The following ATXN10 variants were observed in gnomAD, a reference collection of about 807,000 sequenced individuals.
The protein encoded by ATXN10 is ataxin-10.
In ATXN10, 28 loss-of-function variants were observed where a neutral mutation model predicts 52.9. That is an observed-to-expected ratio of 0.53 (90% CI 0.39 to 0.73). The LOEUF (loss-of-function observed/expected upper bound fraction) is 0.73. ATXN10 is among the 30% of genes least tolerant of loss of function. ATXN10 has a pLI of 0.00. For synonymous variants in ATXN10, 226 were observed against 221.5 expected (o/e 1.02, Z -0.18); for missense variants, 565 against 577.0 (o/e 0.98, Z 0.21).
At chr22:45,694,429 A>G (rs774288432) in intron 3 of ATXN10, among the ~76,000 whole-genome samples, 3 of 152,162 alleles carry the variant, frequency 2.0e-5, no homozygotes, top group Non-Finnish European at 4.4e-5. Context: ...AGGTGGACAG[A>G]TTGCTTGAGC....
intron 9 of ATXN10, among the ~76,000 whole-genome samples, chr22:45,743,432 T>A (rs1332967901): frequency 6.6e-6 from 1 of 152,220 alleles, no homozygotes; most frequent in Non-Finnish European, 1.5e-5. Context: ...TTGCTCATTG[T>A]TGCCTCAAGG....
chr22:45,689,925 A>T, intron 2 of ATXN10, 22 bp downstream of exon 2: 2 of 1,611,332 alleles, frequency 1.2e-6, no homozygotes, highest in Non-Finnish European at 1.7e-6. Context: ...CGTACCTTGG[A>T]TTCTGTTTCT....
rs136028 is a variant in ATXN10, at chr22:45,840,335, AAG to A, written c.1238-2646_1238-2645del. Among the ~76,000 whole-genome samples, 5 of 152,036 alleles carry A rather than the reference AAG, an allele frequency of 3.3e-5. No individual in the cohort carries two copies. The highest frequency in any genetic ancestry group is 7.3e-5 in the African/African-American group (3 of 41,314). On this transcript the variant is annotated intron_variant, in intron 10 of 11. Coordinates refer to ENST00000252934, the MANE Select transcript of ATXN10 (RefSeq NM_013236.4). The surrounding 1 kb of genome is among the most constrained non-coding windows in gnomAD (Gnocchi z 5.8). ...TGCAGTGTGATGAGAACTGTTAAAA[AAG>A]AGAGAGAGAATGCATTGGAAACAGA...
At chr22:45,698,206 T>C (rs1355365669) in intron 3 of ATXN10, among the ~76,000 whole-genome samples, 3 of 152,200 alleles carry the variant, frequency 2.0e-5, no homozygotes, top group Non-Finnish European at 4.4e-5. Context: ...GCTTACCATT[T>C]GAGGAGCTGT....
chr22:45,795,765 T>C lies in ATXN10; in HGVS notation c.1174-11194T>C, dbSNP rs1211454109. Among the ~76,000 whole-genome samples the C allele has an allele frequency of 6.6e-6, 1 of 152,316 alleles. No homozygotes were observed. Among genetic ancestry groups the C allele is most frequent in the Middle Eastern group, 3.4e-3 (1 of 294 alleles). ...GTCTCTGAACATAAATTGTGAAGATTTCATGGACATTTATCACTTCCCTAA... is the reference window on the plus strand; with the variant it reads ...GTCTCTGAACATAAATTGTGAAGATCTCATGGACATTTATCACTTCCCTAA... On this transcript the variant is annotated intron_variant, in intron 9 of 11. Coordinates refer to ENST00000252934, the MANE Select transcript of ATXN10 (RefSeq NM_013236.4). This position sits in a 1 kb window ranked among gnomAD's most constrained non-coding sequence, Gnocchi z 4.6.
chr22:45,799,087 G>T (rs1368943758), intron 9 of ATXN10, among the ~76,000 whole-genome samples: 6 of 149,496 alleles, frequency 4.0e-5, no homozygotes, highest in Admixed American at 1.3e-4. Flanking sequence ...TTTGTTTTTT[G>T]TTTTTCTTTT....
rs2146735408 is a variant in ATXN10 at position 45,688,073 on chromosome 22, A to G, written c.117-1639A>G. On this transcript the variant is annotated intron_variant, in intron 1 of 11. Coordinates refer to ENST00000252934, the MANE Select transcript of ATXN10 (RefSeq NM_013236.4). This position sits in a 1 kb window ranked among gnomAD's most constrained non-coding sequence, Gnocchi z 4.0. ...ACTCCGTCTCAAAAAAAAGAGTGTT[A>G]GTGAGTATTCTTCCATTCTTCTTAC... Among the ~76,000 whole-genome samples the G allele has an allele frequency of 6.6e-6, 1 of 152,276 alleles. No homozygotes were observed. The highest frequency in any genetic ancestry group is 2.4e-5 in the African/African-American group (1 of 41,564).
At chr22:45,806,814 T>G in intron 9 of ATXN10, 145 bp from the exon 10 acceptor site, 1 of 696,844 alleles carries the variant, frequency 1.4e-6, no homozygotes. Context: ...TTTTATGTAG[T>G]TCTGGGTTGA....
chr22:45,827,283 A>C (rs568897547), intron 10 of ATXN10, among the ~76,000 whole-genome samples: 79 of 152,332 alleles, frequency 5.2e-4, no homozygotes, highest in African/African-American at 1.9e-3. Context: ...TATGGGAAAC[A>C]AATAGCAAAA....
At chr22:45,700,438 T>C (rs1923797582) in intron 4 of ATXN10, 60 bp downstream of exon 4, 13 of 1,406,944 alleles carry the variant, frequency 9.2e-6, no homozygotes, top group Non-Finnish European at 1.0e-5. Flanking sequence ...TATTTTTCCA[T>C]TTTATATAAA....
chr22:45,827,832 C>G (rs1928865362), intron 10 of ATXN10, among the ~76,000 whole-genome samples: 1 of 152,152 alleles, frequency 6.6e-6, no homozygotes, highest in South Asian at 2.1e-4. Context: ...ACATTCTTCT[C>G]AAGTGCACAG....
chr22:45,696,963 A>C lies in ATXN10; in HGVS notation c.392-3319A>C, dbSNP rs1018949889. On this transcript the variant is annotated intron_variant, in intron 3 of 11. Coordinates refer to ENST00000252934, the MANE Select transcript of ATXN10 (RefSeq NM_013236.4). The surrounding 1 kb of genome is among the most constrained non-coding windows in gnomAD (Gnocchi z 4.7). ...GAGGGCAGATTCTTACAGACCTGTT[A>C]CATGTTAGCTGTATTAAATGTTGTT... 3.3e-5 allele frequency among the ~76,000 whole-genome samples: 5 copies of C among 152,186 alleles called. No homozygotes were observed. Among genetic ancestry groups the C allele is most frequent in the African/African-American group, 9.6e-5 (4 of 41,452 alleles).
intron 9 of ATXN10, among the ~76,000 whole-genome samples, chr22:45,802,901 C>T (rs1363716378): frequency 6.6e-6 from 1 of 152,074 alleles, no homozygotes; most frequent in Non-Finnish European, 1.5e-5. Flanking sequence ...TCAAAAAAAA[C>T]CTGGTTTTTG....
chr22:45,808,131 G>A (rs1300728713), intron 10 of ATXN10, among the ~76,000 whole-genome samples: 2 of 152,170 alleles, frequency 1.3e-5, no homozygotes, highest in African/African-American at 4.8e-5. Flanking sequence ...GCAGGGTAAA[G>A]CAAATTTGGT....
rs1925914359 is a variant in ATXN10, at chr22:45,750,718, T to C, written c.1173+10180T>C. 6.6e-6 allele frequency among the ~76,000 whole-genome samples: 1 copy of C among 152,008 alleles called. No individual in the cohort carries two copies. The highest frequency in any genetic ancestry group is 6.5e-5 in the Admixed American group (1 of 15,272). ...AAATAATCAAAACAATTTACAAAAG[T>C]TTATAGGTTAGTGGAGGCAGACATA... On this transcript the variant is annotated intron_variant, in intron 9 of 11. Coordinates refer to ENST00000252934, the MANE Select transcript of ATXN10 (RefSeq NM_013236.4). The surrounding 1 kb of genome is among the most constrained non-coding windows in gnomAD (Gnocchi z 4.2).
At chr22:45,807,338 AGT>A (rs1002334346) in intron 10 of ATXN10, among the ~76,000 whole-genome samples, 1 of 152,136 alleles carries the variant, frequency 6.6e-6, no homozygotes, top group African/African-American at 2.4e-5. Context: ...TCACCTTTCC[AGT>A]GTGTGTGTGG....
intron 3 of ATXN10, among the ~76,000 whole-genome samples, chr22:45,694,171 A>G (rs895460021): frequency 1.3e-5 from 2 of 152,150 alleles, no homozygotes; most frequent in Non-Finnish European, 1.5e-5. Context: ...GAGAAACACC[A>G]CACTTCTTTA....
chr22:45,678,363 A>G lies in ATXN10; in HGVS notation c.116+6184A>G, dbSNP rs1569019840. On this transcript the variant is annotated intron_variant, in intron 1 of 11. Coordinates refer to ENST00000252934, the MANE Select transcript of ATXN10 (RefSeq NM_013236.4). This position sits in a 1 kb window ranked among gnomAD's most constrained non-coding sequence, Gnocchi z 4.1. ...TATCTCAATAGTGCTGTTATAAACAAATCCATAGTAAGGTGCCTCTGCATC... is the reference window on the plus strand; with the variant it reads ...TATCTCAATAGTGCTGTTATAAACAGATCCATAGTAAGGTGCCTCTGCATC... The G allele has an allele frequency of 6.6e-6, 1 of 152,188 alleles. No individual in the cohort carries two copies. Among genetic ancestry groups the G allele is most frequent in the Non-Finnish European group, 1.5e-5 (1 of 68,036 alleles). 9.4% of individuals were successfully genotyped at this position (152,188 alleles called of 1,614,324 possible).
chr22:45,767,330 A>G (rs1926617324), intron 9 of ATXN10, among the ~76,000 whole-genome samples: 1 of 152,156 alleles, frequency 6.6e-6, no homozygotes, highest in African/African-American at 2.4e-5. Context: ...TAGCAATCGC[A>G]AAACATTTTT....
Sources: allele counts gnomAD v4.1 joint callset (sites outside exome capture counted in the v4.1 genomes callset), GRCh38; gene constraint gnomAD v4.1.1; non-coding constraint Gnocchi (gnomAD v3.1); transcripts MANE v1.5; gene names NCBI Gene and HGNC (gene_info 2026-07-23, HGNC 2026-07-21).